Variants in B3GALT1 observed in about 807,000 individuals in gnomAD.
B3GALT1 encodes beta-1,3-galactosyltransferase 1, also known as UDP-Gal:betaGlcNAc beta 1,3-galactosyltransferase, polypeptide 1.
Under a neutral mutation model 23.2 loss-of-function variants are expected in B3GALT1, and 10 were observed. That is an observed-to-expected ratio of 0.43 (90% CI 0.27 to 0.73). The LOEUF is 0.73. Among genes scored for constraint, B3GALT1 ranks in the 30% least tolerant of loss-of-function variants. The pLI is 0.21. For synonymous variants in B3GALT1, 156 were observed against 141.5 expected, an observed-to-expected ratio of 1.10 and a Z score of -0.73; for missense variants, 299 against 405.4, an observed-to-expected ratio of 0.74 and a Z score of 2.25.
At chr2:167,486,595 G>T (rs1699630247) in intron 1 of B3GALT1, among the ~76,000 whole-genome samples, 1 of 151,942 alleles carries the variant, frequency 6.6e-6, no homozygotes, top group Non-Finnish European at 1.5e-5. Flanking sequence ...GCGCACGCCT[G>T]TAGTCCCAGC....
At chr2:167,564,370 C>T (rs1041979999) in intron 2 of B3GALT1, among the ~76,000 whole-genome samples, 1 of 151,552 alleles carries the variant, frequency 6.6e-6, no homozygotes, top group Non-Finnish European at 1.5e-5. Context: ...ACGCTCCCCA[C>T]TCTCCAGACT....
chr2:167,406,111 G>A (rs1698270824), intron 1 of B3GALT1, among the ~76,000 whole-genome samples: 1 of 151,842 alleles, frequency 6.6e-6, no homozygotes, highest in Non-Finnish European at 1.5e-5. Flanking sequence ...TTGGTAAGTT[G>A]AAAAAACAAG....
chr2:167,748,082 A>G (rs1687679534), intron 3 of B3GALT1, among the ~76,000 whole-genome samples: 1 of 152,324 alleles, frequency 6.6e-6, no homozygotes, highest in East Asian at 1.9e-4. Context: ...GCTGTTTCCA[A>G]GTAGCTACTA....
At chr2:167,741,617 C>T (rs1241006689) in intron 3 of B3GALT1, among the ~76,000 whole-genome samples, 3 of 152,170 alleles carry the variant, frequency 2.0e-5, no homozygotes, top group African/African-American at 7.2e-5. Context: ...AAAAATACTC[C>T]TCCCTGCCAG....
intron 2 of B3GALT1, among the ~76,000 whole-genome samples, chr2:167,600,525 C>A (rs747128090): frequency 3.9e-5 from 6 of 152,180 alleles, no homozygotes; most frequent in South Asian, 2.1e-4. Context: ...TGGTACCGCT[C>A]CACCATCCTC....
At chr2:167,775,013 G>A (rs1688137689) in intron 3 of B3GALT1, among the ~76,000 whole-genome samples, 1 of 152,150 alleles carries the variant, frequency 6.6e-6, no homozygotes, top group Non-Finnish European at 1.5e-5. Flanking sequence ...ACTCCCATGT[G>A]TAACTTGTAG....
chr2:167,776,452 G>A (rs995847476), intron 3 of B3GALT1, among the ~76,000 whole-genome samples: 2 of 152,214 alleles, frequency 1.3e-5, no homozygotes, highest in Non-Finnish European at 2.9e-5. Flanking sequence ...ATGAAAGACA[G>A]AGCTGATGAC....
rs1212394585 is a variant in B3GALT1 at position 167,868,949 on chromosome 2, A to G, written c.-91A>G. ...GCTTCTCTATCAAACTTGAAGATTTATTAGTAATATGCTGCCTTTGGAAGA... is the reference window on the plus strand; with the variant it reads ...GCTTCTCTATCAAACTTGAAGATTTGTTAGTAATATGCTGCCTTTGGAAGA... On this transcript the variant is annotated 5_prime_UTR_variant, in exon 5 of 5. Coordinates refer to ENST00000392690, the MANE Select transcript of B3GALT1 (RefSeq NM_020981.4). 8 of 1,426,128 alleles carry G rather than the reference A, an allele frequency of 5.6e-6. No homozygotes were observed. Among genetic ancestry groups the G allele is most frequent in the African/African-American group, 1.4e-5 (1 of 69,646 alleles). 88.3% of individuals were successfully genotyped at this position (1,426,128 alleles called of 1,614,324 possible).
intron 2 of B3GALT1, among the ~76,000 whole-genome samples, chr2:167,492,351 G>A (rs986021936): frequency 2.0e-5 from 3 of 152,096 alleles, no homozygotes; most frequent in Non-Finnish European, 2.9e-5. Context: ...TTCATTGGAC[G>A]GATGTACCAT....
chr2:167,823,290 A>C (rs6718868), intron 4 of B3GALT1, among the ~76,000 whole-genome samples: 22,892 of 152,218 alleles, frequency 0.15, 2,251 homozygotes, highest in East Asian at 0.39. Context: ...GACCTAACAG[A>C]GAGTATGCAT....
At chr2:167,318,058 T>C (rs944541824) in intron 1 of B3GALT1, among the ~76,000 whole-genome samples, 9 of 152,092 alleles carry the variant, frequency 5.9e-5, no homozygotes, top group Non-Finnish European at 1.0e-4. Context: ...CCGGACGCGG[T>C]GGCTCACGCC....
rs185761922 is a variant in B3GALT1, at chr2:167,466,491, A to G, written c.-510-23686A>G. 6.5e-3 allele frequency among the ~76,000 whole-genome samples: 975 copies of G among 150,902 alleles called. 13 individuals are homozygous for G. Among genetic ancestry groups the G allele is most frequent in the African/African-American group, 0.023 (931 of 41,178 alleles). ...AAAACTTAGCCAGGCATGGTGGCAC[A>G]TGCCTGCAATCCCAGCTACTTGGGA... is the stretch of plus-strand genomic sequence containing the variant. On this transcript the variant is annotated intron_variant, in intron 1 of 4. Transcript: ENST00000392690.
intron 3 of B3GALT1, among the ~76,000 whole-genome samples, chr2:167,681,554 A>G (rs1686531490): frequency 6.6e-6 from 1 of 152,208 alleles, no homozygotes; most frequent in South Asian, 2.1e-4. Flanking sequence ...TGGATTTTCC[A>G]GTGTAAAAAT....
chr2:167,572,452 T>C (rs1002387714), intron 2 of B3GALT1, among the ~76,000 whole-genome samples: 5 of 151,852 alleles, frequency 3.3e-5, no homozygotes, highest in African/African-American at 1.2e-4. Flanking sequence ...GATGCTTTGC[T>C]TCCTTTCTTA....
At chr2:167,729,010 CTGTCTATCCCATTAAGTCATGA>C (rs1383910614) in intron 3 of B3GALT1, among the ~76,000 whole-genome samples, 2 of 152,134 alleles carry the variant, frequency 1.3e-5, no homozygotes, top group African/African-American at 4.8e-5. Context: ...AATAAGTTGA[CTGTCTATCCCATTAAGTCATGA>C]TCACCTTACA....
intron 2 of B3GALT1, among the ~76,000 whole-genome samples, chr2:167,521,983 T>TATATATATATATATATATATATACACAC (rs1558891584): frequency 9.8e-6 from 1 of 101,860 alleles, no homozygotes; most frequent in East Asian, 3.3e-4. Flanking sequence ...TGTGTGTGTG[T>TATATATATATATATATATATATACACAC]GTATATATAT....
intron 2 of B3GALT1, among the ~76,000 whole-genome samples, chr2:167,523,003 A>G (rs969075614): frequency 6.6e-6 from 1 of 152,062 alleles, no homozygotes; most frequent in African/African-American, 2.4e-5. Flanking sequence ...TAAGTGGTAA[A>G]CCAGTGATTT....
chr2:167,788,584 G>A (rs1216446969), intron 3 of B3GALT1, among the ~76,000 whole-genome samples: 1 of 152,058 alleles, frequency 6.6e-6, no homozygotes, highest in Non-Finnish European at 1.5e-5. Context: ...TCTGACAGGA[G>A]GAGGAGCTCA....
At chr2:167,507,071 G>A (rs1699930275) in intron 2 of B3GALT1, among the ~76,000 whole-genome samples, 1 of 152,012 alleles carries the variant, frequency 6.6e-6, no homozygotes, top group Non-Finnish European at 1.5e-5. Context: ...CCGTAAAACT[G>A]ACATAAAAAA....
Sources: allele counts gnomAD v4.1 joint callset (sites outside exome capture counted in the v4.1 genomes callset), GRCh38; gene constraint gnomAD v4.1.1; transcripts MANE v1.5; gene names NCBI Gene and HGNC (gene_info 2026-07-23, HGNC 2026-07-21).